SAMTOR: variants seen among roughly 807,000 people sequenced by gnomAD.
SAMTOR encodes the protein S-adenosylmethionine sensor upstream of mTORC1, also known as UPF0532 protein C7orf60.
the SAMTOR span, among the ~76,000 whole-genome samples, chr7:112,934,081 C>A: frequency 2.6e-5 from 4 of 152,260 alleles, no homozygotes; most frequent in East Asian, 7.7e-4. Flanking sequence ...AACACCTTCA[C>A]TCTACTGTAA....
the SAMTOR span, among the ~76,000 whole-genome samples, chr7:112,906,375 G>T: frequency 1.3e-5 from 2 of 152,124 alleles, no homozygotes; most frequent in Non-Finnish European, 2.9e-5. Context: ...TGTTGATGGA[G>T]ATGTCATTAT....
At chr7:112,933,873 C>G in the SAMTOR span, among the ~76,000 whole-genome samples, 3 of 152,096 alleles carry the variant, frequency 2.0e-5, no homozygotes, top group Admixed American at 1.3e-4. Flanking sequence ...GAACCATGGC[C>G]TTAGACGCTT....
At chr7:112,921,823 A>C in the SAMTOR span, among the ~76,000 whole-genome samples, 1 of 135,606 alleles carries the variant, frequency 7.4e-6, no homozygotes, top group East Asian at 2.2e-4. Context: ...ATGCAGCCAA[A>C]AAACACATGA....
the SAMTOR span, among the ~76,000 whole-genome samples, chr7:112,834,016 G>T: frequency 6.6e-6 from 1 of 152,028 alleles, no homozygotes; most frequent in Non-Finnish European, 1.5e-5. Context: ...ATAGTCTTAA[G>T]TACCTACGAC....
chr7:112,830,598 T>C, the SAMTOR span, among the ~76,000 whole-genome samples: 2 of 152,348 alleles, frequency 1.3e-5, no homozygotes, highest in South Asian at 2.1e-4. Context: ...ATGAAGCCAC[T>C]TGGGCTTTAA....
At chr7:112,901,378 T>C in the SAMTOR span, among the ~76,000 whole-genome samples, 1 of 152,312 alleles carries the variant, frequency 6.6e-6, no homozygotes. Context: ...GCACGCTCCT[T>C]ATGAGAATCT....
chr7:112,925,001 G>A, the SAMTOR span, among the ~76,000 whole-genome samples: 1 of 152,152 alleles, frequency 6.6e-6, no homozygotes, highest in Non-Finnish European at 1.5e-5. Context: ...ATGCTCCTGT[G>A]AGAATACCAC....
the SAMTOR span, among the ~76,000 whole-genome samples, chr7:112,849,443 T>G: frequency 6.6e-6 from 1 of 152,170 alleles, no homozygotes; most frequent in East Asian, 1.9e-4. Context: ...AGTTTCTTCA[T>G]CCATGAAATG....
the SAMTOR span, among the ~76,000 whole-genome samples, chr7:112,927,596 GAGAA>G: frequency 8.6e-5 from 13 of 152,002 alleles, no homozygotes; most frequent in African/African-American, 2.9e-4. Context: ...GTGAGACAGA[GAGAA>G]AGAGAGAGAG....
the SAMTOR span, among the ~76,000 whole-genome samples, chr7:112,825,209 T>G: frequency 6.6e-6 from 1 of 151,854 alleles, no homozygotes; most frequent in African/African-American, 2.4e-5. Flanking sequence ...TTTTTTTTTG[T>G]AGAGACAGGT....
At chr7:112,833,418 TCC>T in the SAMTOR span, among the ~76,000 whole-genome samples, 20 of 152,286 alleles carry the variant, frequency 1.3e-4, no homozygotes, top group African/African-American at 4.3e-4. Flanking sequence ...TTAGACTTTT[TCC>T]CAGAATTAAT....
At chr7:112,927,496 A>C in the SAMTOR span, among the ~76,000 whole-genome samples, 1 of 152,172 alleles carries the variant, frequency 6.6e-6, no homozygotes, top group African/African-American at 2.4e-5. Flanking sequence ...GGCATCTGTG[A>C]ATGACTCAAA....
At chr7:112,821,846 G>A in the SAMTOR span, 1 of 1,613,640 alleles carries the variant, frequency 6.2e-7, no homozygotes, top group Non-Finnish European at 8.5e-7. Flanking sequence ...GGAGTTCTGT[G>A]AAACCATATG....
At chr7:112,865,814 T>C in the SAMTOR span, among the ~76,000 whole-genome samples, 447 of 145,630 alleles carry the variant, frequency 3.1e-3, no homozygotes, top group Non-Finnish European at 5.1e-3. Flanking sequence ...ATATATTTAT[T>C]CATATATATA....
chr7:112,902,261 C>T, the SAMTOR span, among the ~76,000 whole-genome samples: 1 of 151,214 alleles, frequency 6.6e-6, no homozygotes, highest in African/African-American at 2.4e-5. Context: ...ATTAGCCAGG[C>T]ATGGTGGCGC....
chr7:112,888,402 A>G, the SAMTOR span, among the ~76,000 whole-genome samples: 1 of 152,200 alleles, frequency 6.6e-6, no homozygotes, highest in Non-Finnish European at 1.5e-5. Context: ...TTAAAAAGTC[A>G]GCAAAGTAAG....
chr7:112,904,029 T>C, the SAMTOR span, among the ~76,000 whole-genome samples: 1 of 152,078 alleles, frequency 6.6e-6, no homozygotes, highest in Admixed American at 6.5e-5. Context: ...AGTGAAGATA[T>C]AACTATTATA....
the SAMTOR span, among the ~76,000 whole-genome samples, chr7:112,890,492 T>C: frequency 6.6e-6 from 1 of 152,154 alleles, no homozygotes; most frequent in South Asian, 2.1e-4. Flanking sequence ...ACAGTTTCTA[T>C]ACTTTTTAAC....
chr7:112,902,448 A>AAC, the SAMTOR span, among the ~76,000 whole-genome samples: 16 of 120,344 alleles, frequency 1.3e-4, no homozygotes, highest in Admixed American at 4.5e-4. Context: ...ACAAAAAAAA[A>AAC]CAAAAAAAAA....
Sources: allele counts gnomAD v4.1 joint callset (sites outside exome capture counted in the v4.1 genomes callset), GRCh38; gene constraint gnomAD v4.1.1; transcripts MANE v1.5; gene names NCBI Gene and HGNC (gene_info 2026-07-23, HGNC 2026-07-21).